The following RGS6 variants were observed in gnomAD, a reference collection of about 807,000 sequenced individuals.
RGS6 encodes the protein regulator of G protein signaling 6, also known as regulator of G-protein signaling 6.
Under a neutral mutation model 78.5 loss-of-function variants are expected in RGS6, and 30 were observed. The ratio of observed to expected loss-of-function variants is 0.38; its 90% CI spans 0.29 to 0.52. The LOEUF (loss-of-function observed/expected upper bound fraction) is 0.52, where lower values mean the gene tolerates loss of function less well. RGS6 is among the 20% of genes least tolerant of loss of function. The pLI is 0.85. For synonymous variants in RGS6, 206 were observed against 206.0 expected, an observed-to-expected ratio of 1.00 and a Z score of 0.00; for missense variants, 495 against 609.7, an observed-to-expected ratio of 0.81 and a Z score of 1.98.
rs190176824 is a variant in RGS6, at chr14:72,066,476, A to G, written c.84+101601A>G. Among the ~76,000 whole-genome samples the G allele has an allele frequency of 7.5e-5, 11 of 146,194 alleles. No homozygotes were observed. In the East Asian group the frequency reaches 2.2e-3, roughly 30 times the overall value. On this transcript the variant is annotated intron_variant, in intron 2 of 17. Transcript: ENST00000553525. Reference sequence around the variant, plus strand: ...ATTTACATGTTATATATAAAGATATATTTTATTTAATCTTGTCAGAAGGGT... The same window carrying G: ...ATTTACATGTTATATATAAAGATATGTTTTATTTAATCTTGTCAGAAGGGT...
At chr14:72,337,490 C>G (rs1349858096) in intron 2 of RGS6, among the ~76,000 whole-genome samples, 1 of 151,812 alleles carries the variant, frequency 6.6e-6, no homozygotes, top group African/African-American at 2.4e-5. Context: ...TACAACCTTG[C>G]CCTCTCTCAT....
intron 2 of RGS6, among the ~76,000 whole-genome samples, chr14:72,037,137 A>G (rs1235451489): frequency 6.6e-6 from 1 of 152,130 alleles, no homozygotes; most frequent in Non-Finnish European, 1.5e-5. Flanking sequence ...TCAGTGCTTT[A>G]TGTCTAGCTA....
chr14:72,614,004 C>T, the RGS6 span, among the ~76,000 whole-genome samples: 4 of 152,142 alleles, frequency 2.6e-5, no homozygotes, highest in Non-Finnish European at 5.9e-5. Flanking sequence ...TGTCCACTCA[C>T]AGACCAGAGG....
At chr14:72,472,698 G>A (rs374719020) in intron 8 of RGS6, among the ~76,000 whole-genome samples, 174 bp from the exon 9 acceptor site, 7 of 151,970 alleles carry the variant, frequency 4.6e-5, no homozygotes, top group African/African-American at 1.7e-4. Flanking sequence ...GAGGTTTTCG[G>A]GGGGGGAATT....
chr14:72,330,495 C>A (rs1401885411), intron 2 of RGS6, among the ~76,000 whole-genome samples: 1 of 152,112 alleles, frequency 6.6e-6, no homozygotes, highest in East Asian at 1.9e-4. Flanking sequence ...AGGCCCAATA[C>A]CCTCTTACTG....
chr14:72,537,397 C>A (rs2097264654), intron 16 of RGS6: 2 of 689,160 alleles, frequency 2.9e-6, no homozygotes, highest in East Asian at 5.4e-5. Flanking sequence ...GCATTTATAA[C>A]CTGCTCTCCT....
chr14:72,425,683 G>T (rs945388570), intron 3 of RGS6, among the ~76,000 whole-genome samples: 18 of 152,152 alleles, frequency 1.2e-4, no homozygotes, highest in Admixed American at 3.3e-4. Context: ...CCTAGCACAT[G>T]TACGTACTTT....
intron 3 of RGS6, among the ~76,000 whole-genome samples, chr14:72,388,997 T>C (rs1025357868): frequency 2.6e-5 from 4 of 152,146 alleles, no homozygotes; most frequent in African/African-American, 4.8e-5. Context: ...ACATGCCTCA[T>C]TGGTGTTTTA....
upstream of RGS6, among the ~76,000 whole-genome samples, chr14:71,930,625 T>C (rs1318619884): frequency 6.6e-6 from 1 of 152,142 alleles, no homozygotes; most frequent in Non-Finnish European, 1.5e-5. Flanking sequence ...GCCTGCTGTT[T>C]ATACTTCCAC....
chr14:71,905,017 A>C, the RGS6 span, among the ~76,000 whole-genome samples: 1 of 152,106 alleles, frequency 6.6e-6, no homozygotes. Flanking sequence ...AGGGTCTGAC[A>C]GTCTGCATTT....
At chr14:72,453,608 T>A in intron 3 of RGS6, among the ~76,000 whole-genome samples, 1 of 83,156 alleles carries the variant, frequency 1.2e-5, no homozygotes, top group African/African-American at 5.6e-5. Context: ...AGAGCGAGAC[T>A]CCGTCTCAAA....
At chr14:72,527,432 T>C (rs2097132724) in intron 15 of RGS6, among the ~76,000 whole-genome samples, 1 of 152,208 alleles carries the variant, frequency 6.6e-6, no homozygotes. Flanking sequence ...GTTCCATACT[T>C]ACCTTGGGTA....
At chr14:72,309,461 C>T (rs911035728) in intron 2 of RGS6, among the ~76,000 whole-genome samples, 1 of 152,140 alleles carries the variant, frequency 6.6e-6, no homozygotes, top group Non-Finnish European at 1.5e-5. Context: ...ACATATGTGT[C>T]TTATTGGGAG....
the RGS6 span, among the ~76,000 whole-genome samples, chr14:72,623,315 C>T: frequency 6.6e-6 from 1 of 151,652 alleles, no homozygotes; most frequent in African/African-American, 2.4e-5. Context: ...GCAATATGTC[C>T]CTAAAAAAAA....
intron 3 of RGS6, among the ~76,000 whole-genome samples, chr14:72,407,175 C>A (rs2093005523): frequency 6.6e-6 from 1 of 152,210 alleles, no homozygotes; most frequent in Non-Finnish European, 1.5e-5. Context: ...TGGTGACCAC[C>A]TTTAACTCAT....
chr14:72,229,554 TCTGGCCACAG>T (rs1228726046), intron 2 of RGS6, among the ~76,000 whole-genome samples: 87 of 152,204 alleles, frequency 5.7e-4, no homozygotes, highest in Non-Finnish European at 6.6e-4. Context: ...GGGGTTTGAT[TCTGGCCACAG>T]CTCTCCCCAG....
chr14:72,270,116 G>A (rs2059712558), intron 2 of RGS6, among the ~76,000 whole-genome samples: 1 of 152,182 alleles, frequency 6.6e-6, no homozygotes, highest in South Asian at 2.1e-4. Flanking sequence ...CCTGGAGGAG[G>A]TGCTAGTAGA....
chr14:72,123,704 T>C (rs545218083), intron 2 of RGS6, among the ~76,000 whole-genome samples: 1 of 152,254 alleles, frequency 6.6e-6, no homozygotes, highest in East Asian at 1.9e-4. Flanking sequence ...AATTTCGAAG[T>C]TTAGGTGATA....
chr14:72,393,050 G>A (rs190038740), intron 3 of RGS6, among the ~76,000 whole-genome samples: 10 of 152,150 alleles, frequency 6.6e-5, no homozygotes, highest in Non-Finnish European at 1.5e-4. Flanking sequence ...AGATTATGTT[G>A]AACCCTGTAT....
Sources: allele counts gnomAD v4.1 joint callset (sites outside exome capture counted in the v4.1 genomes callset), GRCh38; gene constraint gnomAD v4.1.1; transcripts MANE v1.5; gene names NCBI Gene and HGNC (gene_info 2026-07-23, HGNC 2026-07-21).